Variants in GMPS observed in about 807,000 individuals in gnomAD.
GMPS encodes the protein GMP synthase [glutamine-hydrolyzing].
Under a neutral mutation model 77.9 loss-of-function variants are expected in GMPS, and 15 were observed. The observed-to-expected ratio is 0.19, with a 90% CI of 0.13 to 0.30. The LOEUF (loss-of-function observed/expected upper bound fraction) is 0.30, where lower values mean the gene tolerates loss of function less well. GMPS is among the 10% of genes least tolerant of loss of function. GMPS has a pLI of 1.00. For synonymous variants in GMPS, 224 were observed against 275.9 expected (o/e 0.81, Z 1.86); for missense variants, 590 against 838.8 (o/e 0.70, Z 3.66).
At chr3:155,936,757 C>G (rs1334696732) in intron 15 of GMPS, among the ~76,000 whole-genome samples, 3 of 152,050 alleles carry the variant, frequency 2.0e-5, no homozygotes, top group African/African-American at 7.2e-5. Context: ...TTTATCTAAT[C>G]CTGCCAATTT....
chr3:155,888,499 G>A (rs1259216879), intron 1 of GMPS, among the ~76,000 whole-genome samples: 1 of 151,422 alleles, frequency 6.6e-6, no homozygotes, highest in East Asian at 1.9e-4. Context: ...GCATGATTAT[G>A]ACTCACTGTG....
At chr3:155,936,267 G>A (rs1755763575) in intron 14 of GMPS, 71 bp from the exon 15 acceptor site, 1 of 913,768 alleles carries the variant, frequency 1.1e-6, no homozygotes, top group Non-Finnish European at 1.8e-6. Flanking sequence ...TTGCCTGGGA[G>A]GATTTAATTG....
chr3:155,918,499 G>C (rs1246186991), intron 9 of GMPS, among the ~76,000 whole-genome samples: 1 of 152,082 alleles, frequency 6.6e-6, no homozygotes, highest in Admixed American at 6.6e-5. Context: ...ATATGAAGTG[G>C]TATATCTCAT....
At chr3:155,904,023 T>C (rs538986208) in intron 4 of GMPS, 63 bp downstream of exon 4, 1 of 669,190 alleles carries the variant, frequency 1.5e-6, no homozygotes, top group African/African-American at 1.8e-5. Flanking sequence ...GATACTATTA[T>C]TTTTAACAAT....
Position 155,936,643 on chromosome 3 carries a change from T to TA in GMPS, c.1980+136dup, listed in dbSNP as rs113473249. On this transcript the variant is annotated intron_variant, in intron 15 of 15. Transcript: ENST00000496455. Reference sequence around the variant, plus strand: ...TGTTCATAAGATAGGCTTTTTTTTTTAAATTTTCACATATTTGATTAATAC... The same window carrying TA: ...TGTTCATAAGATAGGCTTTTTTTTTTAAAATTTTCACATATTTGATTAATAC... 6.9e-4 allele frequency: 375 copies of TA among 539,794 alleles called. 1 individual carries two copies. Among genetic ancestry groups the TA allele is most frequent in the African/African-American group, 3.2e-3 (167 of 52,030 alleles). 33.4% of individuals were successfully genotyped at this position (539,794 alleles called of 1,614,324 possible).
intron 1 of GMPS, among the ~76,000 whole-genome samples, chr3:155,880,865 A>G (rs1754192895): frequency 6.6e-6 from 1 of 151,994 alleles, no homozygotes; most frequent in South Asian, 2.1e-4. Context: ...CTTTTCTCTG[A>G]TGTCTTTCCT....
Position 155,893,636 on chromosome 3 carries a change from T to A in GMPS, c.146T>A (p.Phe49Tyr). 1 of 1,612,460 alleles carries A rather than the reference T, an allele frequency of 6.2e-7. No homozygotes were observed. The highest frequency in any genetic ancestry group is 8.5e-7 in the Non-Finnish European group (1 of 1,178,602). The change falls in exon 2 of 16, where the codon TTC becomes TAC. Residue 49 changes from phenylalanine to tyrosine, a missense_variant. Phe to Tyr is a conservative substitution (Grantham distance 22). Around this residue, in one of 6 missense-constraint regions of GMPS, gnomAD observed 136 missense variants for 225.6 expected, o/e 0.60. Transcript: ENST00000496455. ...ATAGACCGAAGAGTGAGGGAACTGT[T>A]CGTGCAGTCTGAAATTTTCCCCTTG... is the stretch of plus-strand genomic sequence containing the variant. ...KVIDRRVREL[F>Y]VQSEIFPLET...
At chr3:155,915,718 T>TA (rs1755161678) in intron 8 of GMPS, among the ~76,000 whole-genome samples, 1 of 151,722 alleles carries the variant, frequency 6.6e-6, no homozygotes, top group Non-Finnish European at 1.5e-5. Context: ...GTATATTTAG[T>TA]AGAGATGGTG....
chr3:155,934,613 C>A (rs1260304584), intron 13 of GMPS, among the ~76,000 whole-genome samples: 2 of 152,194 alleles, frequency 1.3e-5, no homozygotes, highest in Admixed American at 1.3e-4. Context: ...TTTGGGGATA[C>A]TCTTCGACCC....
chr3:155,920,761 A>G (rs1755300055), intron 10 of GMPS, among the ~76,000 whole-genome samples: 1 of 152,162 alleles, frequency 6.6e-6, no homozygotes, highest in Non-Finnish European at 1.5e-5. Flanking sequence ...TACTGCTTTA[A>G]AAACTATCTT....
Position 155,937,955 on chromosome 3 carries a change from T to A in GMPS, c.*263T>A. 1 of 357,178 alleles carries A rather than the reference T, an allele frequency of 2.8e-6. No homozygotes were observed. Among genetic ancestry groups the A allele is most frequent in the Non-Finnish European group, 5.1e-6 (1 of 197,586 alleles). The allele number at this position is 357,178 out of a possible 1,614,324, so 22.1% of individuals were successfully genotyped here. A position where few individuals can be genotyped will look rare whatever the true frequency, so the allele number is the denominator to read the frequency against. On this transcript the variant is annotated 3_prime_UTR_variant, in exon 16 of 16. Transcript: ENST00000496455. ...TTTTGCCTTTGCCTCACTTATTCTTTATGTATAAATTCACTGTTGATGTCT... is the reference window on the plus strand; with the variant it reads ...TTTTGCCTTTGCCTCACTTATTCTTAATGTATAAATTCACTGTTGATGTCT...
chr3:155,881,317 C>T (rs1195612125), intron 1 of GMPS, among the ~76,000 whole-genome samples: 8 of 151,794 alleles, frequency 5.3e-5, no homozygotes, highest in Admixed American at 1.3e-4. Context: ...GGATTACAGG[C>T]GTGTGCCACC....
At chr3:155,916,362 G>C (rs78875882) in intron 9 of GMPS, among the ~76,000 whole-genome samples, 170 bp downstream of exon 9, 2 of 151,732 alleles carry the variant, frequency 1.3e-5, no homozygotes, top group African/African-American at 4.8e-5. Flanking sequence ...GTCACTCCTC[G>C]TTCTACCTGT....
intron 10 of GMPS, among the ~76,000 whole-genome samples, chr3:155,920,009 T>TTG (rs1457301305): frequency 6.6e-6 from 1 of 152,222 alleles, no homozygotes; most frequent in East Asian, 1.9e-4. Flanking sequence ...CCTAATTGAA[T>TTG]TGAAAAGCAT....
chr3:155,895,954 C>A (rs1457966431), intron 2 of GMPS, among the ~76,000 whole-genome samples: 1 of 150,046 alleles, frequency 6.7e-6, no homozygotes, highest in Non-Finnish European at 1.5e-5. Context: ...ATCTAGAGGT[C>A]TTGATTATTC....
At chr3:155,901,925 G>T (rs1481466680) in intron 3 of GMPS, among the ~76,000 whole-genome samples, 1 of 151,954 alleles carries the variant, frequency 6.6e-6, no homozygotes, top group Non-Finnish European at 1.5e-5. Flanking sequence ...GGTTTCACTT[G>T]GCTTCTTTAT....
At chr3:155,879,265 CTTTTTTTTTTTT>C (rs370727242) in intron 1 of GMPS, among the ~76,000 whole-genome samples, 162 of 122,618 alleles carry the variant, frequency 1.3e-3, no homozygotes, top group African/African-American at 4.6e-3. Flanking sequence ...CTGCACTTGT[CTTTTTTTTTTTT>C]TTTTTTTTTC....
At chr3:155,918,539 ATGT>A (rs1353636326) in intron 9 of GMPS, among the ~76,000 whole-genome samples, 1 of 152,194 alleles carries the variant, frequency 6.6e-6, no homozygotes, top group Non-Finnish European at 1.5e-5. Context: ...ATAGCTAATG[ATGT>A]TGAGCATTTT....
intron 13 of GMPS, among the ~76,000 whole-genome samples, 168 bp from the exon 14 acceptor site, chr3:155,934,748 T>C (rs972810065): frequency 6.6e-6 from 1 of 152,204 alleles, no homozygotes; most frequent in Admixed American, 6.5e-5. Context: ...TATAATCTTA[T>C]ATCTTGTCCT....
Sources: allele counts gnomAD v4.1 joint callset (sites outside exome capture counted in the v4.1 genomes callset), GRCh38; gene constraint gnomAD v4.1.1; regional missense constraint gnomAD v4.1.1; transcripts MANE v1.5; gene names NCBI Gene and HGNC (gene_info 2026-07-23, HGNC 2026-07-21).